MTHFD1: variants seen among roughly 807,000 people sequenced by gnomAD.
The protein encoded by MTHFD1 is C-1-tetrahydrofolate synthase, cytoplasmic.
MTHFD1 carries 44 observed loss-of-function variants against 110.3 expected under a neutral mutation model. The observed-to-expected ratio is 0.40, with a 90% CI of 0.31 to 0.51. The LOEUF is 0.51. MTHFD1 is among the 20% of genes least tolerant of loss of function. MTHFD1 has a pLI of 0.60. For missense variants in MTHFD1, 909 were observed against 1,173.1 expected, an observed-to-expected ratio of 0.77 and a Z score of 3.29; for synonymous variants, 402 against 428.8, an observed-to-expected ratio of 0.94 and a Z score of 0.77.
intron 15 of MTHFD1, among the ~76,000 whole-genome samples, chr14:64,433,591 A>G (rs1163991836): frequency 6.7e-6 from 1 of 150,320 alleles, no homozygotes; most frequent in Non-Finnish European, 1.5e-5. Flanking sequence ...ATTTTTATAT[A>G]TTGTGTAGAG....
chr14:64,399,864 C>T (rs1374754054), intron 1 of MTHFD1, among the ~76,000 whole-genome samples: 2 of 152,042 alleles, frequency 1.3e-5, no homozygotes, highest in African/African-American at 4.8e-5. Flanking sequence ...CAGCCTCAAC[C>T]TCCTGGGCTC....
chr14:64,425,655 G>T, intron 9 of MTHFD1, 75 bp from the exon 10 acceptor site: 1 of 1,198,020 alleles, frequency 8.3e-7, no homozygotes, highest in South Asian at 1.2e-5. Flanking sequence ...GAACTGGAGT[G>T]ACCTGGAGCT....
rs528236113 is a variant in MTHFD1, at chr14:64,433,158, A to G, written c.1494+1297A>G. On this transcript the variant is annotated intron_variant, in intron 15 of 27. Transcript: ENST00000652337. ...TTTGTTTAAGACAGAGTCTCACTCT[A>G]TCTCCCAGGCTGGAGTGCAATGGTG... Among the ~76,000 whole-genome samples the G allele has an allele frequency of 3.6e-3, 548 of 152,162 alleles. 2 individuals carry two copies. Among genetic ancestry groups the G allele is most frequent in the Non-Finnish European group, 5.4e-3 (368 of 67,996 alleles).
chr14:64,427,703 A>G (rs2078128515), intron 12 of MTHFD1, among the ~76,000 whole-genome samples: 1 of 152,210 alleles, frequency 6.6e-6, no homozygotes, highest in Non-Finnish European at 1.5e-5. Flanking sequence ...GATGGGTGAT[A>G]TGTAGCTGGA....
chr14:64,420,000 G>A, intron 8 of MTHFD1, 75 bp downstream of exon 8: 1 of 1,033,724 alleles, frequency 9.7e-7, no homozygotes, highest in East Asian at 2.4e-5. Context: ...AAGCCTGAGA[G>A]AGAAGCTTGT....
intron 26 of MTHFD1, among the ~76,000 whole-genome samples, chr14:64,455,546 G>A (rs935877852): frequency 3.9e-5 from 6 of 152,184 alleles, no homozygotes; most frequent in African/African-American, 1.2e-4. Flanking sequence ...GGTTAACTTG[G>A]ATCCTGAATC....
intron 8 of MTHFD1, among the ~76,000 whole-genome samples, 158 bp downstream of exon 8, chr14:64,420,083 A>G (rs1166148679): frequency 1.3e-5 from 2 of 152,160 alleles, no homozygotes; most frequent in Admixed American, 6.5e-5. Context: ...AGTAGATAGA[A>G]GAGTTGCCAC....
At chr14:64,444,318 A>G (rs2078272628) in intron 21 of MTHFD1, among the ~76,000 whole-genome samples, 1 of 151,800 alleles carries the variant, frequency 6.6e-6, no homozygotes, top group Admixed American at 6.6e-5. Context: ...CAGACATCCC[A>G]GGGTGACTTC....
intron 17 of MTHFD1, chr14:64,439,393 C>T (rs577478166): frequency 1.7e-6 from 1 of 586,112 alleles, no homozygotes; most frequent in Admixed American, 2.8e-5. Context: ...GCATTTTTTC[C>T]TGGAGGTGGA....
At chr14:64,445,709 G>T (rs886450157) in intron 22 of MTHFD1, among the ~76,000 whole-genome samples, 1 of 152,178 alleles carries the variant, frequency 6.6e-6, no homozygotes, top group Non-Finnish European at 1.5e-5. Context: ...CGCGTAGGAG[G>T]GGAATTCACA....
At chr14:64,452,627 C>T (rs2078392561) in intron 24 of MTHFD1, among the ~76,000 whole-genome samples, 1 of 152,202 alleles carries the variant, frequency 6.6e-6, no homozygotes, top group South Asian at 2.1e-4. Flanking sequence ...ATGCCCAATG[C>T]GTGTTGATCA....
chr14:64,452,035 C>T (rs2078381416), intron 24 of MTHFD1, among the ~76,000 whole-genome samples: 1 of 152,214 alleles, frequency 6.6e-6, no homozygotes, highest in Admixed American at 6.5e-5. Flanking sequence ...TGTGGTCACA[C>T]CTGTAATCCC....
chr14:64,453,672 G>A, intron 24 of MTHFD1, 82 bp from the exon 25 acceptor site: 2 of 811,996 alleles, frequency 2.5e-6, no homozygotes, highest in East Asian at 2.6e-5. Flanking sequence ...TAGGGACTCT[G>A]ACCTAGAATG....
chr14:64,414,765 C>G (rs913072910), intron 4 of MTHFD1, among the ~76,000 whole-genome samples: 3 of 151,596 alleles, frequency 2.0e-5, no homozygotes, highest in Admixed American at 6.6e-5. Context: ...TCTCAGCGGA[C>G]TGCAACCTCC....
At chr14:64,458,373 T>C (rs2078508753) in intron 27 of MTHFD1, 66 bp downstream of exon 27, 3 of 1,011,222 alleles carry the variant, frequency 3.0e-6, no homozygotes, top group Non-Finnish European at 4.8e-6. Flanking sequence ...ATTATAGGGC[T>C]CAAACTGACG....
intron 8 of MTHFD1, 26 bp from the exon 9 acceptor site, chr14:64,424,778 T>C: frequency 1.2e-6 from 2 of 1,613,110 alleles, no homozygotes; most frequent in Non-Finnish European, 1.7e-6. Flanking sequence ...TGAGACTTAG[T>C]TTTGATTTCT....
chr14:64,414,414 C>T (rs974697758), intron 4 of MTHFD1, among the ~76,000 whole-genome samples: 4 of 151,136 alleles, frequency 2.6e-5, no homozygotes, highest in Non-Finnish European at 5.9e-5. Context: ...GCCTCAGCCT[C>T]CTGAGAGGCT....
intron 15 of MTHFD1, among the ~76,000 whole-genome samples, chr14:64,435,232 C>T (rs1163136637): frequency 6.6e-6 from 1 of 151,938 alleles, no homozygotes; most frequent in Non-Finnish European, 1.5e-5. Context: ...ATTACAGGCT[C>T]AGCCACAGGC....
chr14:64,419,952 G>A (rs1320886219), intron 8 of MTHFD1, 27 bp downstream of exon 8: 2 of 1,510,306 alleles, frequency 1.3e-6, no homozygotes, highest in Non-Finnish European at 1.8e-6. Flanking sequence ...GAGTAAGGTG[G>A]CTGCTGGTAT....
Sources: allele counts gnomAD v4.1 joint callset (sites outside exome capture counted in the v4.1 genomes callset), GRCh38; gene constraint gnomAD v4.1.1; transcripts MANE v1.5; gene names NCBI Gene and HGNC (gene_info 2026-07-23, HGNC 2026-07-21).